The following ESYT3 variants were observed in gnomAD, a reference collection of about 807,000 sequenced individuals.
ESYT3 encodes extended synaptotagmin 3, also known as extended synaptotagmin-3.
ESYT3 carries 101 observed loss-of-function variants against 111.5 expected under a neutral mutation model. The ratio of observed to expected loss-of-function variants is 0.91; its 90% CI spans 0.77 to 1.07. ESYT3 has a LOEUF of 1.07. Ranked by LOEUF, ESYT3 falls within the 50% of genes least tolerant of loss-of-function variation. The probability of loss-of-function intolerance (pLI) is 0.00; values close to 1 mark genes in which losing one functional copy is unlikely to be tolerated. For synonymous variants in ESYT3, 416 were observed against 446.8 expected (o/e 0.93, Z 0.87); for missense variants, 1,097 against 1,109.4 (o/e 0.99, Z 0.16).
intron 9 of ESYT3, among the ~76,000 whole-genome samples, 193 bp downstream of exon 9, chr3:138,464,708 A>G (rs1450749063): frequency 1.3e-5 from 2 of 152,078 alleles, no homozygotes; most frequent in Non-Finnish European, 2.9e-5. Flanking sequence ...GCAAATTCCT[A>G]CCTCCTTTCC....
chr3:138,448,781 C>T (rs1300363283), intron 1 of ESYT3, among the ~76,000 whole-genome samples: 1 of 152,234 alleles, frequency 6.6e-6, no homozygotes, highest in African/African-American at 2.4e-5. Flanking sequence ...CTGCTCCAAA[C>T]TTACTCAGGG....
chr3:138,437,223 G>A (rs145491019), intron 1 of ESYT3, among the ~76,000 whole-genome samples: 240 of 152,306 alleles, frequency 1.6e-3, no homozygotes, highest in African/African-American at 5.5e-3. Flanking sequence ...AGGAGAATTG[G>A]AGCCAGGAGT....
In ESYT3 at chr3:138,472,548, G is replaced by T. The variant is rs1326751877; in HGVS notation, c.1926G>T (p.Arg642Ser). ...CTTCTGATACTAAGGACGTATCCAG[G>T]AGTACCACAACCACCACCAGTGCTA... ...DPASDTKDVS[R>S]STTTTTSATT... Residue 642 changes from arginine (R) to serine (S), a missense_variant, in exon 18 of 23, where the codon AGG becomes AGT. By Grantham distance (110) the Arg-to-Ser change is moderately radical. Transcript: ENST00000389567. 6 of 1,614,086 alleles carry T rather than the reference G, an allele frequency of 3.7e-6. No individual in the cohort carries two copies. In the East Asian group the frequency reaches 1.1e-4, roughly 30 times the overall value.
At chr3:138,481,289 C>G (rs1419881847), downstream of ESYT3, 1 of 152,180 alleles carries the variant, frequency 6.6e-6, no homozygotes, top group Non-Finnish European at 1.5e-5. Context: ...CTTTTAGTCC[C>G]AACTACTTGG....
chr3:138,452,026 C>A (rs755598082), intron 1 of ESYT3, 22 bp from the exon 2 acceptor site: 10 of 1,613,534 alleles, frequency 6.2e-6, no homozygotes, highest in African/African-American at 5.3e-5. Flanking sequence ...AGTCTAACTT[C>A]CCCTCGGGGC....
Position 138,437,675 on chromosome 3 carries a change from C to A in ESYT3, c.327+2550C>A, listed in dbSNP as rs1017247840. ...CCCTTCAGAAAGCAGCATGGTGGGA[C>A]GAGGAAGGCTGGAGGAGACAGGCCA... is the stretch of plus-strand genomic sequence containing the variant. On this transcript the variant is annotated intron_variant, in intron 1 of 22. Transcript: ENST00000389567. 2.0e-5 allele frequency among the ~76,000 whole-genome samples: 3 copies of A among 151,922 alleles called. No homozygotes were observed. In the East Asian group the frequency reaches 5.8e-4, roughly 29 times the overall value.
chr3:138,456,683 A>G (rs551889197), intron 3 of ESYT3, among the ~76,000 whole-genome samples: 1 of 152,300 alleles, frequency 6.6e-6, no homozygotes, highest in East Asian at 1.9e-4. Flanking sequence ...TCTAGGTTGC[A>G]TGTTCCTTAT....
chr3:138,448,729 G>T (rs2031726942), intron 1 of ESYT3, among the ~76,000 whole-genome samples: 1 of 152,220 alleles, frequency 6.6e-6, no homozygotes, highest in African/African-American at 2.4e-5. Context: ...CACTGAGGAT[G>T]AGTCATTGCT....
chr3:138,455,213 C>T lies in ESYT3; in HGVS notation c.389C>T (p.Pro130Leu). 2 of 1,614,164 alleles carry T rather than the reference C, an allele frequency of 1.2e-6. No individual in the cohort carries two copies. The highest frequency in any genetic ancestry group is 1.7e-6 in the Non-Finnish European group (2 of 1,180,016). Residue 130 changes from proline (P) to leucine (L), a missense_variant, in exon 3 of 23, where the codon CCC (proline) becomes CTC (leucine). Physicochemically the swap from Pro to Leu is moderately conservative, Grantham distance 98 (BLOSUM62 -3). Coordinates refer to ENST00000389567, the MANE Select transcript of ESYT3 (RefSeq NM_031913.5). ...TCACAGATCATCTCTCAGACCTGGC[C>T]CTACCTAAGCATGATCATGGAAAGC... ...WANKIISQTW[P>L]YLSMIMESKF...
intron 18 of ESYT3, 63 bp from the exon 19 acceptor site, chr3:138,473,473 G>A (rs550234817): frequency 2.8e-5 from 39 of 1,401,688 alleles, no homozygotes; most frequent in South Asian, 7.0e-5. Flanking sequence ...TTTGTCTTTG[G>A]GGGTGGCGGA....
chr3:138,454,132 C>T (rs1026144503), intron 2 of ESYT3, among the ~76,000 whole-genome samples: 1 of 152,226 alleles, frequency 6.6e-6, no homozygotes, highest in Admixed American at 6.5e-5. Flanking sequence ...CATGTAGTCC[C>T]AGCCACCCAG....
intron 17 of ESYT3, 89 bp downstream of exon 17, chr3:138,471,115 T>C: frequency 9.1e-7 from 1 of 1,093,866 alleles, no homozygotes; most frequent in South Asian, 1.3e-5. Context: ...GCACCTGCTG[T>C]GTGCCTGGAA....
At chr3:138,471,113 T>C (rs1319227934) in intron 17 of ESYT3, 87 bp downstream of exon 17, 9 of 1,116,340 alleles carry the variant, frequency 8.1e-6, no homozygotes, top group African/African-American at 1.5e-5. Flanking sequence ...AAGCACCTGC[T>C]GTGTGCCTGG....
chr3:138,452,186 A>G, intron 2 of ESYT3, 97 bp downstream of exon 2: 1 of 1,259,632 alleles, frequency 7.9e-7, no homozygotes, highest in Non-Finnish European at 1.1e-6. Context: ...CCTCGCGGCA[A>G]TTTCCTTGCC....
chr3:138,453,548 A>G (rs560706984), intron 2 of ESYT3, among the ~76,000 whole-genome samples: 15 of 152,318 alleles, frequency 9.8e-5, no homozygotes, highest in African/African-American at 2.9e-4. Flanking sequence ...GGCTCCTCCA[A>G]TGATGGCTTT....
At chr3:138,459,151 C>A in intron 4 of ESYT3, 36 bp from the exon 5 acceptor site, 1 of 1,474,360 alleles carries the variant, frequency 6.8e-7, no homozygotes, top group Non-Finnish European at 9.1e-7. Context: ...GGACCTACCC[C>A]TCCTCCCCAC....
At chr3:138,471,927 T>A (rs1177855748) in intron 17 of ESYT3, among the ~76,000 whole-genome samples, 1 of 152,236 alleles carries the variant, frequency 6.6e-6, no homozygotes, top group Admixed American at 6.5e-5. Flanking sequence ...ACACATGTTC[T>A]TGTCATCAGT....
intron 15 of ESYT3, 102 bp downstream of exon 15, chr3:138,469,606 T>TA (rs1436363234): frequency 2.3e-6 from 2 of 851,474 alleles, no homozygotes; most frequent in African/African-American, 3.4e-5. Context: ...GGTGAATGCC[T>TA]AGTAGGCACT....
At chr3:138,445,276 A>C (rs2031460212) in intron 1 of ESYT3, among the ~76,000 whole-genome samples, 1 of 152,168 alleles carries the variant, frequency 6.6e-6, no homozygotes, top group Non-Finnish European at 1.5e-5. Flanking sequence ...AGTGTGAGCC[A>C]CTCATCTTAT....
Sources: allele counts gnomAD v4.1 joint callset (sites outside exome capture counted in the v4.1 genomes callset), GRCh38; gene constraint gnomAD v4.1.1; transcripts MANE v1.5; gene names NCBI Gene and HGNC (gene_info 2026-07-23, HGNC 2026-07-21).